Variants in HS3ST4 observed in about 807,000 individuals in gnomAD.
HS3ST4 encodes heparan sulfate-glucosamine 3-sulfotransferase 4.
HS3ST4 carries 17 observed loss-of-function variants against 29.2 expected under a neutral mutation model. The ratio of observed to expected loss-of-function variants is 0.58; its 90% CI spans 0.40 to 0.87. The LOEUF (loss-of-function observed/expected upper bound fraction) is 0.87. Ranked by LOEUF, HS3ST4 falls within the 40% of genes least tolerant of loss-of-function variation. The probability of loss-of-function intolerance (pLI) is 0.00; values close to 1 mark genes in which losing one functional copy is unlikely to be tolerated. For missense variants in HS3ST4, 627 were observed against 634.5 expected (o/e 0.99, Z 0.13); for synonymous variants, 314 against 285.7 (o/e 1.10, Z -1.00).
chr16:26,028,272 CAAAAAA>C (rs57920476), intron 1 of HS3ST4, among the ~76,000 whole-genome samples: 4 of 48,634 alleles, frequency 8.2e-5, no homozygotes, highest in African/African-American at 1.3e-4. Context: ...GACACCGTCT[CAAAAAA>C]AAAAAAAAAA....
chr16:25,754,180 A>G (rs1431593532), intron 1 of HS3ST4, among the ~76,000 whole-genome samples: 1 of 152,160 alleles, frequency 6.6e-6, no homozygotes, highest in Non-Finnish European at 1.5e-5. Flanking sequence ...TCAGTAATGA[A>G]ATGAGCTTTG....
chr16:26,058,017 T>C (rs181938423), intron 1 of HS3ST4, among the ~76,000 whole-genome samples: 1 of 151,788 alleles, frequency 6.6e-6, no homozygotes, highest in African/African-American at 2.4e-5. Context: ...ATCTGAGAAG[T>C]CCTCTCTGAG....
chr16:25,894,359 T>C (rs1968038927), intron 1 of HS3ST4, among the ~76,000 whole-genome samples: 1 of 152,136 alleles, frequency 6.6e-6, no homozygotes, highest in Non-Finnish European at 1.5e-5. Flanking sequence ...CAATAAATCA[T>C]TGATGTTGTG....
At chr16:25,937,437 C>T (rs1473651853) in intron 1 of HS3ST4, among the ~76,000 whole-genome samples, 1 of 152,114 alleles carries the variant, frequency 6.6e-6, no homozygotes, top group Admixed American at 6.5e-5. Flanking sequence ...AATAAAGGGA[C>T]TCCTACGTGA....
At chr16:26,022,434 A>T (rs1298668308) in intron 1 of HS3ST4, among the ~76,000 whole-genome samples, 3 of 152,196 alleles carry the variant, frequency 2.0e-5, no homozygotes, top group African/African-American at 7.2e-5. Context: ...GGACATATTC[A>T]TAATCCCATG....
chr16:25,773,328 G>A (rs1412534984), intron 1 of HS3ST4, among the ~76,000 whole-genome samples: 1 of 152,158 alleles, frequency 6.6e-6, no homozygotes, highest in East Asian at 1.9e-4. Flanking sequence ...TCCTGGGAGT[G>A]GGGTCTACCG....
chr16:25,945,910 C>G (rs963940642), intron 1 of HS3ST4, among the ~76,000 whole-genome samples: 2 of 152,166 alleles, frequency 1.3e-5, no homozygotes, highest in Non-Finnish European at 1.5e-5. Flanking sequence ...ACAAATATTA[C>G]ATGATTGATA....
rs752367149 is a variant in HS3ST4 at position 26,136,092 on chromosome 16, C to T, written c.1215C>T (p.Ala405=). 6.2e-7 allele frequency: 1 copy of T among 1,613,712 alleles called. No homozygotes were observed. Among genetic ancestry groups the T allele is most frequent in the Non-Finnish European group, 8.5e-7 (1 of 1,179,782 alleles). The change falls in exon 2 of 2, where the codon GCC becomes GCT. Residue 405 remains alanine, a synonymous_variant. Transcript: ENST00000331351. ...TAAAGAAGCCAGAAGACAGCAGTGC[C>T]CCGAGGTGCTTAGGCAAGAGCAAAG... ...PCLKKPEDSS[A]PRCLGKSKGR...
chr16:25,692,806 G>A lies in HS3ST4; in HGVS notation c.389G>A (p.Ser130Asn), dbSNP rs1454330366. 8 of 1,382,836 alleles carry A rather than the reference G, an allele frequency of 5.8e-6. 1 individual carries two copies. The South Asian group carries it at 1.0e-4, about 17-fold the overall frequency. The allele number at this position is 1,382,836 out of a possible 1,614,324, so 85.7% of individuals were successfully genotyped here. ...APGTDGWGLP[S>N]GGGGAQDAWL... is the part of the protein sequence containing the mutation. The stretch of plus-strand genomic sequence containing the variant: ...GGGACCGACGGCTGGGGGCTGCCGA[G>A]CGGCGGCGGAGGCGCCCAGGACGCC... The change falls in exon 1 of 2, where the codon AGC becomes AAC. Residue 130 changes from serine to asparagine, a missense_variant. Ser to Asn is a conservative substitution (Grantham distance 46). Around this residue, in one of 2 missense-constraint regions of HS3ST4, gnomAD observed 402 missense variants for 340.8 expected, o/e 1.18. Transcript: ENST00000331351.
intron 1 of HS3ST4, among the ~76,000 whole-genome samples, chr16:25,890,857 C>T (rs891930157): frequency 9.2e-5 from 14 of 152,120 alleles, no homozygotes; most frequent in African/African-American, 2.9e-4. Flanking sequence ...TTTTATTTTG[C>T]TTGGTTTCCA....
chr16:26,051,403 A>G (rs1350150947), intron 1 of HS3ST4, among the ~76,000 whole-genome samples: 1 of 152,198 alleles, frequency 6.6e-6, no homozygotes, highest in Non-Finnish European at 1.5e-5. Context: ...GATTCCAGGA[A>G]GCCCACCTTC....
At chr16:25,772,758 C>T (rs144154772) in intron 1 of HS3ST4, among the ~76,000 whole-genome samples, 32 of 152,268 alleles carry the variant, frequency 2.1e-4, no homozygotes, top group African/African-American at 7.5e-4. Flanking sequence ...AACTGTCTCA[C>T]CATTCTCTTA....
chr16:25,940,096 A>C (rs1349371144), intron 1 of HS3ST4, among the ~76,000 whole-genome samples: 1 of 152,172 alleles, frequency 6.6e-6, no homozygotes, highest in Non-Finnish European at 1.5e-5. Flanking sequence ...TATTCCGATT[A>C]CATGGCAATT....
intron 1 of HS3ST4, among the ~76,000 whole-genome samples, chr16:26,055,073 C>T (rs1286850380): frequency 1.3e-5 from 2 of 151,990 alleles, no homozygotes; most frequent in Non-Finnish European, 2.9e-5. Context: ...CGCCAGATCA[C>T]CATTATCTTT....
intron 1 of HS3ST4, among the ~76,000 whole-genome samples, chr16:26,092,666 G>T (rs548037124): frequency 9.5e-4 from 144 of 152,304 alleles, no homozygotes; most frequent in African/African-American, 3.4e-3. Flanking sequence ...GCAGCTCCCA[G>T]TGTGATTGAT....
chr16:25,775,423 C>T (rs879674043), intron 1 of HS3ST4, among the ~76,000 whole-genome samples: 7 of 152,176 alleles, frequency 4.6e-5, no homozygotes, highest in African/African-American at 7.2e-5. Context: ...AGGAAAAGCC[C>T]TTCCTGTGCC....
intron 1 of HS3ST4, among the ~76,000 whole-genome samples, chr16:25,950,560 A>T (rs1354598927): frequency 1.3e-5 from 2 of 152,048 alleles, no homozygotes; most frequent in Non-Finnish European, 2.9e-5. Flanking sequence ...TACAGATCCA[A>T]CTATTTTTTG....
chr16:25,709,156 G>A (rs1966398721), intron 1 of HS3ST4, among the ~76,000 whole-genome samples: 1 of 150,970 alleles, frequency 6.6e-6, no homozygotes, highest in Non-Finnish European at 1.5e-5. Context: ...ATTCTCTGTC[G>A]CCGCTCAGAT....
intron 1 of HS3ST4, among the ~76,000 whole-genome samples, chr16:25,928,138 A>G (rs148854622): frequency 1.3e-5 from 2 of 151,478 alleles, no homozygotes; most frequent in East Asian, 1.9e-4. Flanking sequence ...CGAGGCTGCA[A>G]TAAGCTATGA....
Sources: allele counts gnomAD v4.1 joint callset (sites outside exome capture counted in the v4.1 genomes callset), GRCh38; gene constraint gnomAD v4.1.1; regional missense constraint gnomAD v4.1.1; transcripts MANE v1.5; gene names NCBI Gene and HGNC (gene_info 2026-07-23, HGNC 2026-07-21).